CSMD1: variants seen among roughly 807,000 people sequenced by gnomAD.
The protein encoded by CSMD1 is CUB and sushi domain-containing protein 1.
Under a neutral mutation model 417.5 loss-of-function variants are expected in CSMD1, and 213 were observed. The ratio of observed to expected loss-of-function variants is 0.51; its 90% CI spans 0.46 to 0.57. CSMD1 has a LOEUF of 0.57. CSMD1 is among the 20% of genes least tolerant of loss of function. The pLI is 0.00. For missense variants in CSMD1, 6,923 were observed against 4,529.7 expected (o/e 1.53, Z -15.17); for synonymous variants, 2,862 against 1,736.8 (o/e 1.65, Z -16.11).
intron 54 of CSMD1, among the ~76,000 whole-genome samples, chr8:2,992,919 G>C (rs1164044669): frequency 6.6e-6 from 1 of 151,340 alleles, no homozygotes; most frequent in Non-Finnish European, 1.5e-5. Flanking sequence ...TTTTTGTAGA[G>C]ACTGAGTTTT....
At chr8:3,196,067 G>A (rs533014725) in intron 33 of CSMD1, among the ~76,000 whole-genome samples, 17 of 152,224 alleles carry the variant, frequency 1.1e-4, no homozygotes, top group Admixed American at 4.6e-4. Flanking sequence ...ACAAAAAGAC[G>A]CCGTAAAGAA....
intron 10 of CSMD1, among the ~76,000 whole-genome samples, chr8:3,559,672 T>G (rs575197242): frequency 6.6e-5 from 10 of 152,312 alleles, no homozygotes; most frequent in African/African-American, 1.9e-4. Context: ...TGCTTCGTAT[T>G]TGACTGTATT....
Position 4,954,467 on chromosome 8 carries a change from G to A in CSMD1, c.85+39865C>T, listed in dbSNP as rs778978670. Among the ~76,000 whole-genome samples the A allele has an allele frequency of 4.6e-5, 7 of 152,224 alleles. No individual in the cohort carries two copies. The South Asian group carries it at 1.0e-3, about 23-fold the overall frequency. On this transcript the variant is annotated intron_variant, in intron 1 of 69. Coordinates refer to ENST00000635120, the MANE Select transcript of CSMD1 (RefSeq NM_033225.6). ...GCTGACACCATTTATTGATTTGAAT[G>A]ATGACTGAAATTGATCACGTGGCAC... is the stretch of plus-strand genomic sequence containing the variant.
chr8:4,573,277 T>G (rs1798974254), intron 2 of CSMD1, among the ~76,000 whole-genome samples: 1 of 152,212 alleles, frequency 6.6e-6, no homozygotes, highest in Non-Finnish European at 1.5e-5. Context: ...TGATCTTTTA[T>G]GCTGATGACC....
At chr8:3,400,299 TGCCA>T in intron 15 of CSMD1, among the ~76,000 whole-genome samples, 1 of 152,180 alleles carries the variant, frequency 6.6e-6, no homozygotes. Flanking sequence ...CAAAATTATT[TGCCA>T]TTAGCAATCA....
intron 21 of CSMD1, among the ~76,000 whole-genome samples, chr8:3,356,512 T>G (rs1255021210): frequency 2.0e-5 from 3 of 152,032 alleles, no homozygotes; most frequent in Non-Finnish European, 4.4e-5. Flanking sequence ...CCGTCTTTAC[T>G]AAAAATACAA....
intron 26 of CSMD1, among the ~76,000 whole-genome samples, chr8:3,235,535 A>G (rs6558739): frequency 0.77 from 116,180 of 151,754 alleles, 45,163 homozygotes; most frequent in Non-Finnish European, 0.83. Context: ...TTGCACATTA[A>G]GGATTAAAGG....
At chr8:4,380,467 G>C (rs899248760) in intron 3 of CSMD1, among the ~76,000 whole-genome samples, 3 of 152,182 alleles carry the variant, frequency 2.0e-5, no homozygotes, top group African/African-American at 7.2e-5. Context: ...CCTCCAATCT[G>C]TCGAGGTCAT....
rs573128727 is a variant in CSMD1, at chr8:4,749,053, TGC to T, written c.86-111497_86-111496del. Among the ~76,000 whole-genome samples the T allele has an allele frequency of 2.4e-3, 250 of 105,570 alleles. 2 individuals carry two copies. The highest frequency in any genetic ancestry group is 3.3e-3 in the Non-Finnish European group (169 of 51,222). 69.3% of individuals were successfully genotyped at this position (105,570 alleles called of 152,430 possible). On this transcript the variant is annotated intron_variant, in intron 1 of 69. Transcript: ENST00000635120. Reference sequence around the variant, plus strand: ...CCAAAACTGTGTGTGTGTGCCTGTGTGCGTGTGTGTGTGTGTGAGCGCACGCT... The same window carrying T: ...CCAAAACTGTGTGTGTGTGCCTGTGTGTGTGTGTGTGTGTGAGCGCACGCT...
intron 10 of CSMD1, among the ~76,000 whole-genome samples, chr8:3,543,290 T>A (rs1180475890): frequency 6.6e-6 from 1 of 152,188 alleles, no homozygotes; most frequent in African/African-American, 2.4e-5. Flanking sequence ...TCGGAGAACA[T>A]TATTAGAATA....
At chr8:4,143,777 G>A (rs540200754) in intron 3 of CSMD1, among the ~76,000 whole-genome samples, 5 of 151,322 alleles carry the variant, frequency 3.3e-5, no homozygotes, top group Admixed American at 6.6e-5. Context: ...CACTTCACAG[G>A]GTGGGAGGGG....
At chr8:4,076,201 C>T (rs1470931874) in intron 3 of CSMD1, among the ~76,000 whole-genome samples, 1 of 152,164 alleles carries the variant, frequency 6.6e-6, no homozygotes. Context: ...CTCACAAGAT[C>T]TAATGGTTTT....
chr8:3,092,949 T>C (rs1199629194), intron 47 of CSMD1, among the ~76,000 whole-genome samples: 2 of 152,202 alleles, frequency 1.3e-5, no homozygotes, highest in Non-Finnish European at 2.9e-5. Context: ...GACAGCTGTC[T>C]TTGTTGTTAT....
At chr8:3,987,560 G>A (rs1003247120) in intron 5 of CSMD1, among the ~76,000 whole-genome samples, 2 of 152,142 alleles carry the variant, frequency 1.3e-5, no homozygotes, top group African/African-American at 4.8e-5. Flanking sequence ...CAGCTACGAA[G>A]GGGAGGAACA....
intron 3 of CSMD1, among the ~76,000 whole-genome samples, chr8:4,169,073 A>G (rs1430811369): frequency 6.6e-6 from 1 of 152,048 alleles, no homozygotes; most frequent in East Asian, 1.9e-4. Context: ...GTTTCTCCCT[A>G]CCTGTAAGCC....
At chr8:3,576,733 C>G (rs1012117584) in intron 9 of CSMD1, among the ~76,000 whole-genome samples, 18 of 152,150 alleles carry the variant, frequency 1.2e-4, no homozygotes, top group African/African-American at 4.3e-4. Context: ...ACACTAATAT[C>G]TCACTCTCTA....
intron 3 of CSMD1, among the ~76,000 whole-genome samples, chr8:4,379,682 G>A (rs1307588869): frequency 1.8e-5 from 1 of 56,438 alleles, no homozygotes; most frequent in Admixed American, 1.5e-4. Flanking sequence ...TACAGGGGAA[G>A]AGGGCAATGA....
chr8:3,890,519 G>A (rs374168115), intron 5 of CSMD1, among the ~76,000 whole-genome samples: 3 of 151,926 alleles, frequency 2.0e-5, no homozygotes, highest in African/African-American at 7.3e-5. Context: ...TGCAGGACTC[G>A]GTGGGGAACA....
chr8:3,028,785 A>G (rs1048589734), intron 51 of CSMD1, among the ~76,000 whole-genome samples: 8 of 152,220 alleles, frequency 5.3e-5, no homozygotes, highest in African/African-American at 1.9e-4. Flanking sequence ...AAGATTGTAT[A>G]CTAGACACAT....
Sources: allele counts gnomAD v4.1 joint callset (sites outside exome capture counted in the v4.1 genomes callset), GRCh38; gene constraint gnomAD v4.1.1; transcripts MANE v1.5; gene names NCBI Gene and HGNC (gene_info 2026-07-23, HGNC 2026-07-21).